The following MPV17L variants were observed in gnomAD, a reference collection of about 807,000 sequenced individuals.
MPV17L encodes MPV17 mitochondrial inner membrane protein like.
In MPV17L, 24 loss-of-function variants were observed where a neutral mutation model predicts 25.8. The observed-to-expected ratio is 0.93, with a 90% CI of 0.67 to 1.31. The LOEUF (loss-of-function observed/expected upper bound fraction) is 1.31. Among genes scored for constraint, MPV17L ranks in the 50% most tolerant of loss-of-function variants. The pLI, the probability that MPV17L is intolerant of heterozygous loss-of-function variation, is 0.00. For missense variants in MPV17L, 250 were observed against 265.6 expected, an observed-to-expected ratio of 0.94 and a Z score of 0.41; for synonymous variants, 102 against 115.3, an observed-to-expected ratio of 0.88 and a Z score of 0.74.
At chr16:15,396,609 A>G (rs1212089144) in intron 1 of MPV17L, among the ~76,000 whole-genome samples, 1 of 152,138 alleles carries the variant, frequency 6.6e-6, no homozygotes, top group Non-Finnish European at 1.5e-5. Flanking sequence ...TCAAGGCCGT[A>G]GCAGCTGCAA....
intron 2 of MPV17L, among the ~76,000 whole-genome samples, chr16:15,407,408 C>T (rs1319531402): frequency 6.6e-6 from 1 of 152,110 alleles, no homozygotes; most frequent in African/African-American, 2.4e-5. Context: ...GTATTTCTTA[C>T]TCTTTTATGG....
rs1223343435 is a variant in MPV17L at position 15,412,821 on chromosome 16, C to G, written c.*4709C>G. The G allele has an allele frequency of 6.6e-6, 1 of 151,360 alleles. No homozygotes were observed. The highest frequency in any genetic ancestry group is 2.1e-4 in the South Asian group (1 of 4,806). 9.4% of individuals were successfully genotyped at this position (151,360 alleles called of 1,614,324 possible). On this transcript the variant is annotated 3_prime_UTR_variant, in exon 4 of 4. Coordinates refer to ENST00000396385, the MANE Select transcript of MPV17L (RefSeq NM_001128423.2). ...GGTCTCAACCTCCTGACCTCGTGATCTGCCTGCCTCTGCCTCCCAGAGTGC... is the reference window on the plus strand; with the variant it reads ...GGTCTCAACCTCCTGACCTCGTGATGTGCCTGCCTCTGCCTCCCAGAGTGC...
chr16:15,400,765 T>C, intron 1 of MPV17L, 22 bp from the exon 2 acceptor site: 1 of 1,562,494 alleles, frequency 6.4e-7, no homozygotes, highest in Non-Finnish European at 8.7e-7. Flanking sequence ...CTTTTAAAAT[T>C]TTTTTTGGGT....
intron 1 of MPV17L, among the ~76,000 whole-genome samples, chr16:15,397,340 A>G (rs1392905398): frequency 6.6e-6 from 1 of 152,170 alleles, no homozygotes; most frequent in East Asian, 1.9e-4. Flanking sequence ...GGGTTCATCT[A>G]CAAGTAACCT....
rs2050726311 is a variant in MPV17L, at chr16:15,410,717, A to G, written c.*2605A>G. ...GACTATATACCTAAAAATTGAGCAT[A>G]TAATTTGTATAATTTGTTTATGTAA... On this transcript the variant is annotated 3_prime_UTR_variant, in exon 4 of 4. Coordinates refer to ENST00000396385, the MANE Select transcript of MPV17L (RefSeq NM_001128423.2). 1 of 152,230 alleles carries G rather than the reference A, an allele frequency of 6.6e-6. No homozygotes were observed. Among genetic ancestry groups the G allele is most frequent in the African/African-American group, 2.4e-5 (1 of 41,466 alleles). 9.4% of individuals were successfully genotyped at this position (152,230 alleles called of 1,614,324 possible).
rs1598427712 is a variant in MPV17L, at chr16:15,408,338, A to C, written c.*226A>C. On this transcript the variant is annotated 3_prime_UTR_variant, in exon 4 of 4. Transcript: ENST00000396385. ...CTTCTCTAATATTTTGGTTAATATGAATAATAGTGGCAAAATGGCATTTTA... is the reference window on the plus strand; with the variant it reads ...CTTCTCTAATATTTTGGTTAATATGCATAATAGTGGCAAAATGGCATTTTA... 2.4e-6 allele frequency: 1 copy of C among 409,334 alleles called. No individual in the cohort carries two copies. Among genetic ancestry groups the C allele is most frequent in the East Asian group, 3.7e-5 (1 of 27,290 alleles). 25.4% of individuals were successfully genotyped at this position (409,334 alleles called of 1,614,324 possible). A position where few individuals can be genotyped will look rare whatever the true frequency, so the allele number is the denominator to read the frequency against.
intron 2 of MPV17L, among the ~76,000 whole-genome samples, chr16:15,407,402 T>C (rs1451922142): frequency 6.6e-6 from 1 of 152,180 alleles, no homozygotes; most frequent in Non-Finnish European, 1.5e-5. Context: ...GGCCTAGTAT[T>C]TCTTACTCTT....
At chr16:15,407,084 A>T (rs890646170) in intron 2 of MPV17L, among the ~76,000 whole-genome samples, 20 of 151,486 alleles carry the variant, frequency 1.3e-4, no homozygotes, top group African/African-American at 4.6e-4. Context: ...AAAAAAAATT[A>T]ATTTAAAAAA....
intron 2 of MPV17L, among the ~76,000 whole-genome samples, chr16:15,404,443 C>T (rs2050664197): frequency 6.6e-6 from 1 of 152,130 alleles, no homozygotes; most frequent in Non-Finnish European, 1.5e-5. Flanking sequence ...CGCCTGTAAT[C>T]CTAACACTTT....
chr16:15,400,140 A>C (rs1442964563), intron 1 of MPV17L, among the ~76,000 whole-genome samples: 1 of 152,156 alleles, frequency 6.6e-6, no homozygotes, highest in East Asian at 1.9e-4. Context: ...AAAATTTCAA[A>C]ATGTTCAAAT....
chr16:15,395,819 G>C lies in MPV17L; in HGVS notation c.-79G>C, dbSNP rs1010083255. 1.6e-6 allele frequency: 2 copies of C among 1,267,024 alleles called. No individual in the cohort carries two copies. Among genetic ancestry groups the C allele is most frequent in the African/African-American group, 3.2e-5 (2 of 63,086 alleles). The allele number at this position is 1,267,024 out of a possible 1,614,324, so 78.5% of individuals were successfully genotyped here. ...GGCTGCTGCAGTGCAGTAGCTGCTG[G>C]AGGCTGGGGAGGCCCGGACCCGGTG... On this transcript the variant is annotated 5_prime_UTR_variant, in exon 1 of 4. Coordinates refer to ENST00000396385, the MANE Select transcript of MPV17L (RefSeq NM_001128423.2).
At chr16:15,396,292 G>A in intron 1 of MPV17L, 85 bp downstream of exon 1, 1 of 1,486,878 alleles carries the variant, frequency 6.7e-7, no homozygotes, top group African/African-American at 1.4e-5. Flanking sequence ...CGGCTGGAGG[G>A]AGGGCGCTGC....
chr16:15,410,831 T>C lies in MPV17L; in HGVS notation c.*2719T>C, dbSNP rs1398327461. On this transcript the variant is annotated 3_prime_UTR_variant, in exon 4 of 4. Transcript: ENST00000396385. The stretch of plus-strand genomic sequence containing the variant: ...AATATATTTTACATTATTGGGACCA[T>C]AGTACAGAAATTTCTAAATGGTTTG... 1 of 152,194 alleles carries C rather than the reference T, an allele frequency of 6.6e-6. No individual in the cohort carries two copies. The highest frequency in any genetic ancestry group is 1.5e-5 in the Non-Finnish European group (1 of 68,032). The allele number at this position is 152,194 out of a possible 1,614,324, so 9.4% of individuals were successfully genotyped here.
chr16:15,404,959 C>T (rs574320888), intron 2 of MPV17L, among the ~76,000 whole-genome samples: 5 of 152,238 alleles, frequency 3.3e-5, no homozygotes, highest in South Asian at 2.1e-4. Flanking sequence ...TTATTTTTAG[C>T]GCTCACATGT....
At position 15,400,848 on chromosome 16, in the gene MPV17L, T is replaced by C; in HGVS notation, c.372T>C (p.Asn124=). The C allele has an allele frequency of 1.2e-6, 2 of 1,603,336 alleles. No homozygotes were observed. Among genetic ancestry groups the C allele is most frequent in the Non-Finnish European group, 1.7e-6 (2 of 1,173,986 alleles). The part of the protein sequence containing the change: ...IFLDLKQKFW[N]TYLSGLMYWP... ...TGGACCTGAAACAGAAATTCTGGAA[T>C]ACCTATCTGGTAAGATAGGCGTTTG... The change falls in exon 2 of 4, where the codon AAT becomes AAC. Residue 124 remains asparagine, a synonymous_variant. Transcript: ENST00000396385.
intron 2 of MPV17L, among the ~76,000 whole-genome samples, chr16:15,405,450 A>ATT (rs746892378): frequency 1.0e-4 from 14 of 139,392 alleles, no homozygotes; most frequent in Non-Finnish European, 1.6e-4. Flanking sequence ...TAAAGTTTTA[A>ATT]TTTTTTTTTT....
chr16:15,404,966 A>T (rs554996002), intron 2 of MPV17L, among the ~76,000 whole-genome samples: 2 of 152,158 alleles, frequency 1.3e-5, no homozygotes, highest in Non-Finnish European at 2.9e-5. Flanking sequence ...TAGCGCTCAC[A>T]TGTCCCAGAT....
intron 2 of MPV17L, among the ~76,000 whole-genome samples, chr16:15,403,469 T>C (rs897477537): frequency 4.6e-5 from 7 of 151,032 alleles, no homozygotes; most frequent in African/African-American, 1.5e-4. Flanking sequence ...GCCCAGGAGT[T>C]TGAGACCAGC....
At position 15,412,703 on chromosome 16, in the gene MPV17L, G is replaced by C. The variant is rs2050743704; in HGVS notation, c.*4591G>C. The C allele has an allele frequency of 6.6e-6, 1 of 150,878 alleles. No homozygotes were observed. Among genetic ancestry groups the C allele is most frequent in the African/African-American group, 2.4e-5 (1 of 41,074 alleles). The allele number at this position is 150,878 out of a possible 1,614,324, so 9.3% of individuals were successfully genotyped here. On this transcript the variant is annotated 3_prime_UTR_variant, in exon 4 of 4. Coordinates refer to ENST00000396385, the MANE Select transcript of MPV17L (RefSeq NM_001128423.2). The stretch of plus-strand genomic sequence containing the variant: ...CCATTCTCCTGCCTCAGCCCAAGTA[G>C]CAGGGACTAAAGGCGCCCGCCACCA...
Sources: gnomAD v4.1 joint callset for allele counts (sites outside exome capture counted in the v4.1 genomes callset) on GRCh38, gnomAD v4.1.1 for gene constraint, MANE v1.5 for transcripts, NCBI Gene and HGNC (gene_info 2026-07-23, HGNC 2026-07-21) for gene names.